The following SREK1 variants were observed in gnomAD, a reference collection of about 807,000 sequenced individuals.
SREK1 encodes splicing regulatory glutamine/lysine-rich protein 1.
Under a neutral mutation model 66.5 loss-of-function variants are expected in SREK1, and 13 were observed. That is an observed-to-expected ratio of 0.20 (90% CI 0.13 to 0.31). The LOEUF (loss-of-function observed/expected upper bound fraction) is 0.31, where lower values mean the gene tolerates loss of function less well. Ranked by LOEUF, SREK1 falls within the 10% of genes least tolerant of loss-of-function variation. SREK1 has a pLI of 1.00. For missense variants in SREK1, 607 were observed against 769.6 expected, an observed-to-expected ratio of 0.79 and a Z score of 2.50; for synonymous variants, 265 against 263.5, an observed-to-expected ratio of 1.01 and a Z score of -0.05.
rs555367077 is a variant in SREK1, at chr5:66,174,252, TTAA to T, written c.1485-684_1485-682del. Among the ~76,000 whole-genome samples, 673 of 152,212 alleles carry T rather than the reference TTAA, an allele frequency of 4.4e-3. 4 individuals are homozygous for T. The highest frequency in any genetic ancestry group is 0.014 in the African/African-American group (575 of 41,508). ...GCTAATCTGATAAGCAAAATGGTTT[TTAA>T]TAATAATAACGTAATCTATTTTATA... On this transcript the variant is annotated intron_variant, in intron 9 of 11. Transcript: ENST00000334121.
chr5:66,169,883 A>C lies in SREK1; in HGVS notation c.1002-168A>C, dbSNP rs1580665278. ...GTTTCTGTCTCTGTTCTAGACAATG[A>C]AATATCCGGTAAAGTTTCCAGTAAA... is the stretch of plus-strand genomic sequence containing the variant. On this transcript the variant is annotated intron_variant, in intron 7 of 11. Coordinates refer to ENST00000334121, the MANE Select transcript of SREK1 (RefSeq NM_001077199.3). The C allele has an allele frequency of 1.0e-5, 5 of 489,708 alleles. No homozygotes were observed. In the East Asian group the frequency reaches 1.8e-4, roughly 18 times the overall value. 30.3% of individuals were successfully genotyped at this position (489,708 alleles called of 1,614,324 possible).
chr5:66,144,518 C>A lies in SREK1; in HGVS notation c.142C>A (p.Leu48Met). The change falls in exon 1 of 12, where the codon CTG becomes ATG. Residue 48 changes from leucine (L) to methionine (M), a missense_variant. Around this residue, in one of 5 missense-constraint regions of SREK1, gnomAD observed 75 missense variants for 72.9 expected, o/e 1.03. Transcript: ENST00000334121. ...LFSFLGEIEE[L>M]RLYPPDNAPL... ...TTCCTTCCTAGGAGAAATCGAGGAG[C>A]TGCGGCTCTACCCCCCGGAGTAAGT... 1 of 1,553,330 alleles carries A rather than the reference C, an allele frequency of 6.4e-7. No individual in the cohort carries two copies. The highest frequency in any genetic ancestry group is 8.7e-7 in the Non-Finnish European group (1 of 1,147,916).
chr5:66,154,472 T>C (rs1177538536), intron 2 of SREK1, among the ~76,000 whole-genome samples: 1 of 152,216 alleles, frequency 6.6e-6, no homozygotes, highest in African/African-American at 2.4e-5. Flanking sequence ...TGGTGGATGA[T>C]TGAAACTGTT....
intron 1 of SREK1, among the ~76,000 whole-genome samples, chr5:66,150,133 G>T (rs1743654952): frequency 6.6e-6 from 1 of 152,254 alleles, no homozygotes; most frequent in Non-Finnish European, 1.5e-5. Context: ...ATTAGAGGTT[G>T]CTGGTCAGCC....
At chr5:66,150,486 G>A (rs530700587) in intron 1 of SREK1, among the ~76,000 whole-genome samples, 2 of 152,290 alleles carry the variant, frequency 1.3e-5, no homozygotes, top group East Asian at 3.9e-4. Flanking sequence ...TTTCCATGAC[G>A]AGGCAAGAAC....
intron 2 of SREK1, among the ~76,000 whole-genome samples, chr5:66,154,653 C>T (rs905433866): frequency 2.0e-5 from 3 of 152,154 alleles, no homozygotes; most frequent in Admixed American, 2.0e-4. Flanking sequence ...AAAAACATTA[C>T]AGTCTAATAC....
intron 7 of SREK1, 23 bp downstream of exon 7, chr5:66,164,920 T>A (rs748460276): frequency 6.4e-7 from 1 of 1,573,926 alleles, no homozygotes; most frequent in South Asian, 1.2e-5. Context: ...GCTGTCATAT[T>A]TAAATTTTAT....
rs944109948 is a variant in SREK1 at position 66,159,902 on chromosome 5, A to G, written c.411+568A>G. ...TCCCAGCACTTTGGGAGGCCGAGGCAGGTGGATCATGAGGTCGGGAGATCG... is the reference window on the plus strand; with the variant it reads ...TCCCAGCACTTTGGGAGGCCGAGGCGGGTGGATCATGAGGTCGGGAGATCG... On this transcript the variant is annotated intron_variant, in intron 3 of 11. Transcript: ENST00000334121. 8.6e-5 allele frequency among the ~76,000 whole-genome samples: 13 copies of G among 151,950 alleles called. No homozygotes were observed. In the East Asian group the frequency reaches 2.5e-3, roughly 30 times the overall value.
chr5:66,157,469 C>T (rs1241847451), intron 2 of SREK1: 2 of 985,078 alleles, frequency 2.0e-6, no homozygotes, highest in African/African-American at 1.7e-5. Flanking sequence ...CTCAAAACCT[C>T]AATTTATCAA....
At position 66,176,563 on chromosome 5, in the gene SREK1, C is replaced by A. The variant is rs569424673; in HGVS notation, c.1581-951C>A. Among the ~76,000 whole-genome samples the A allele has an allele frequency of 1.0e-3, 158 of 152,190 alleles. 1 individual carries two copies. In the Middle Eastern group the frequency reaches 0.014, roughly 13 times the overall value. On this transcript the variant is annotated intron_variant, in intron 10 of 11. Coordinates refer to ENST00000334121, the MANE Select transcript of SREK1 (RefSeq NM_001077199.3). ...TTAATAAAGATTCATGATGACAAGT[C>A]GTCTGTCCAGGAATATGGTGTATCT...
intron 2 of SREK1, 48 bp downstream of exon 2, chr5:66,153,644 G>A: frequency 6.2e-7 from 1 of 1,612,106 alleles, no homozygotes. Flanking sequence ...TGTCCTGTCT[G>A]TTATTGCCTT....
chr5:66,151,678 A>G (rs898229982), intron 1 of SREK1, among the ~76,000 whole-genome samples: 7 of 152,114 alleles, frequency 4.6e-5, no homozygotes, highest in Admixed American at 6.5e-5. Context: ...TGGTGAGTTA[A>G]GTCTGGATGT....
intron 10 of SREK1, among the ~76,000 whole-genome samples, chr5:66,176,047 T>A (rs1746028091): frequency 6.6e-6 from 1 of 152,216 alleles, no homozygotes. Context: ...TTGTTCCTTC[T>A]TGTACTTTTA....
At chr5:66,177,363 C>A in intron 10 of SREK1, 151 bp from the exon 11 acceptor site, 1 of 647,592 alleles carries the variant, frequency 1.5e-6, no homozygotes, top group Non-Finnish European at 2.4e-6. Context: ...TTGTAGGGCT[C>A]ATTTATGTTA....
chr5:66,145,157 C>T, intron 1 of SREK1: 1 of 985,522 alleles, frequency 1.0e-6, no homozygotes, highest in Non-Finnish European at 1.2e-6. Flanking sequence ...TGAAAGGTCA[C>T]ACTGTCCCAA....
chr5:66,170,406 G>A (rs1027613150), intron 8 of SREK1, among the ~76,000 whole-genome samples, 179 bp from the exon 9 acceptor site: 1 of 152,080 alleles, frequency 6.6e-6, no homozygotes, highest in African/African-American at 2.4e-5. Flanking sequence ...TTCAGCTTGC[G>A]TAGTATGAAT....
In SREK1 at chr5:66,146,793, AT is replaced by A. The variant is rs1319697900; in HGVS notation, c.161+2260del. On this transcript the variant is annotated intron_variant, in intron 1 of 11. Coordinates refer to ENST00000334121, the MANE Select transcript of SREK1 (RefSeq NM_001077199.3). ...ATTGTTTTGCAGTGTCACATAAATTATTTTATGACATCTTTAGAGTTGAGTA... is the reference window on the plus strand; with the variant it reads ...ATTGTTTTGCAGTGTCACATAAATTATTTATGACATCTTTAGAGTTGAGTA... 2.6e-5 allele frequency among the ~76,000 whole-genome samples: 4 copies of A among 152,098 alleles called. No individual in the cohort carries two copies. The East Asian group carries it at 5.8e-4, about 22-fold the overall frequency.
chr5:66,159,948 G>A (rs1340828433), intron 3 of SREK1, among the ~76,000 whole-genome samples: 1 of 152,050 alleles, frequency 6.6e-6, no homozygotes, highest in Non-Finnish European at 1.5e-5. Context: ...GGCTAACACA[G>A]TGAAACCCCG....
intron 4 of SREK1, 55 bp from the exon 5 acceptor site, chr5:66,162,359 T>A: frequency 6.2e-7 from 1 of 1,605,040 alleles, no homozygotes; most frequent in Non-Finnish European, 8.5e-7. Context: ...ACAGTAATAT[T>A]TATCTGATTT....
Sources: allele counts gnomAD v4.1 joint callset (sites outside exome capture counted in the v4.1 genomes callset), GRCh38; gene constraint gnomAD v4.1.1; regional missense constraint gnomAD v4.1.1; transcripts MANE v1.5; gene names NCBI Gene and HGNC (gene_info 2026-07-23, HGNC 2026-07-21).